The following GRID2 variants were observed in gnomAD, a reference collection of about 807,000 sequenced individuals.
GRID2 encodes the protein glutamate receptor ionotropic, delta-2.
In GRID2, 33 loss-of-function variants were observed where a neutral mutation model predicts 114.8. The observed-to-expected ratio is 0.29, with a 90% CI of 0.22 to 0.38. The LOEUF (loss-of-function observed/expected upper bound fraction) is 0.38, where lower values mean the gene tolerates loss of function less well. Ranked by LOEUF, GRID2 falls within the 10% of genes least tolerant of loss-of-function variation. GRID2 has a pLI of 1.00. For synonymous variants in GRID2, 505 were observed against 449.9 expected, an observed-to-expected ratio of 1.12 and a Z score of -1.55; for missense variants, 1,184 against 1,257.7, an observed-to-expected ratio of 0.94 and a Z score of 0.89.
intron 13 of GRID2, among the ~76,000 whole-genome samples, chr4:93,523,520 G>A (rs917771262): frequency 8.5e-5 from 13 of 152,118 alleles, no homozygotes; most frequent in African/African-American, 3.1e-4. Flanking sequence ...CAAGGGATGC[G>A]CAGATCCATA....
In GRID2 at chr4:93,661,265, G is replaced by A. The variant is rs376626504; in HGVS notation, c.2360+34830G>A. On this transcript the variant is annotated intron_variant, in intron 14 of 15. Transcript: ENST00000282020. ...GAGTGGTGAAAATTTGAGTTTGCTC[G>A]ATGCTTAAGTTTCCAGCTGAGGTCA... Among the ~76,000 whole-genome samples the A allele has an allele frequency of 5.0e-4, 76 of 152,282 alleles. 1 individual carries two copies. In the South Asian group the frequency reaches 0.011, roughly 22 times the overall value.
intron 2 of GRID2, among the ~76,000 whole-genome samples, chr4:92,856,538 A>C (rs192814067): frequency 1.3e-5 from 2 of 152,156 alleles, no homozygotes; most frequent in Non-Finnish European, 2.9e-5. Flanking sequence ...TCCAGAAGAT[A>C]GTATGAAAAT....
chr4:92,675,971 A>G (rs1189044318), intron 2 of GRID2, among the ~76,000 whole-genome samples: 2 of 152,138 alleles, frequency 1.3e-5, no homozygotes, highest in African/African-American at 4.8e-5. Flanking sequence ...CCTACGCTAT[A>G]TGTTATTTAA....
At chr4:92,559,418 C>A (rs547604885) in intron 1 of GRID2, among the ~76,000 whole-genome samples, 22 of 152,230 alleles carry the variant, frequency 1.4e-4, no homozygotes, top group Non-Finnish European at 3.2e-4. Flanking sequence ...TTGCGTTATA[C>A]TTAGGTTCAG....
chr4:92,513,660 C>T lies in GRID2; in HGVS notation c.89-76471C>T, dbSNP rs555457952. On this transcript the variant is annotated intron_variant, in intron 1 of 15. Coordinates refer to ENST00000282020, the MANE Select transcript of GRID2 (RefSeq NM_001510.4). ...ATGGTGATTTCACTAACCTCTGCTT[C>T]ACCTACAAAACTGTCAGCACCATAT... Among the ~76,000 whole-genome samples, 22 of 151,934 alleles carry T rather than the reference C, an allele frequency of 1.4e-4. No individual in the cohort carries two copies. The South Asian group carries it at 4.4e-3, about 30-fold the overall frequency.
At chr4:92,469,906 A>T (rs549746510) in intron 1 of GRID2, among the ~76,000 whole-genome samples, 1 of 152,060 alleles carries the variant, frequency 6.6e-6, no homozygotes, top group African/African-American at 2.4e-5. Context: ...ACAATAGTAA[A>T]GCTGCAAATT....
At chr4:93,794,542 GTTTA>G (rs1734757885) in intron 1 of GRID2, among the ~76,000 whole-genome samples, 2 of 152,128 alleles carry the variant, frequency 1.3e-5, no homozygotes, top group South Asian at 4.2e-4. Flanking sequence ...TCTGTTTGGA[GTTTA>G]TTTATGCCCG....
At chr4:92,481,981 G>GATT (rs1722618054) in intron 1 of GRID2, among the ~76,000 whole-genome samples, 1 of 47,242 alleles carries the variant, frequency 2.1e-5, no homozygotes, top group African/African-American at 7.5e-5. Context: ...AATAAAATGT[G>GATT]ATATATATAT....
chr4:92,768,785 A>G (rs117710751), intron 2 of GRID2, among the ~76,000 whole-genome samples: 3,484 of 152,192 alleles, frequency 0.023, 100 homozygotes, highest in East Asian at 0.12. Context: ...TTCATTCACT[A>G]TCACAAGAAG....
intron 2 of GRID2, among the ~76,000 whole-genome samples, chr4:92,800,689 G>C (rs1185411611): frequency 6.6e-6 from 1 of 151,852 alleles, no homozygotes; most frequent in Non-Finnish European, 1.5e-5. Context: ...CTTCAGTATG[G>C]TACAGGGGAG....
intron 8 of GRID2, among the ~76,000 whole-genome samples, chr4:93,330,659 T>C (rs1322876481): frequency 1.3e-5 from 2 of 152,130 alleles, no homozygotes; most frequent in Non-Finnish European, 2.9e-5. Flanking sequence ...GGATCACTAC[T>C]GTGAATGGGA....
chr4:92,389,430 C>A (rs533054089), intron 1 of GRID2, among the ~76,000 whole-genome samples: 1 of 152,126 alleles, frequency 6.6e-6, no homozygotes, highest in South Asian at 2.1e-4. Context: ...CATGTGACCA[C>A]CTTTTCTGAA....
chr4:92,784,023 A>G (rs1461897699), intron 2 of GRID2, among the ~76,000 whole-genome samples: 3 of 152,146 alleles, frequency 2.0e-5, no homozygotes, highest in South Asian at 2.1e-4. Flanking sequence ...TGTTCTTAAT[A>G]TTAACAAACT....
At chr4:93,409,595 A>T (rs927068661) in intron 9 of GRID2, among the ~76,000 whole-genome samples, 1 of 152,210 alleles carries the variant, frequency 6.6e-6, no homozygotes, top group Admixed American at 6.5e-5. Context: ...AGAAAGCAAC[A>T]GGCACACACA....
At chr4:93,316,170 T>G (rs934869159) in intron 8 of GRID2, among the ~76,000 whole-genome samples, 1 of 149,478 alleles carries the variant, frequency 6.7e-6, no homozygotes, top group East Asian at 2.0e-4. Flanking sequence ...AAAGGGGAGG[T>G]GGAACAGAAA....
At chr4:92,611,094 G>GTGTGTGTGTATA (rs889350601) in intron 2 of GRID2, among the ~76,000 whole-genome samples, 3 of 146,772 alleles carry the variant, frequency 2.0e-5, no homozygotes, top group African/African-American at 5.0e-5. Context: ...GTATATATAT[G>GTGTGTGTGTATA]TGTGTGTGTA....
intron 1 of GRID2, among the ~76,000 whole-genome samples, chr4:92,473,077 A>G (rs148567249): frequency 1.0e-3 from 154 of 152,160 alleles, no homozygotes; most frequent in African/African-American, 3.6e-3. Context: ...TTATTTTTGC[A>G]TATCTTATGA....
chr4:92,464,691 T>C (rs746164761), intron 1 of GRID2, among the ~76,000 whole-genome samples: 2 of 152,028 alleles, frequency 1.3e-5, no homozygotes, highest in Non-Finnish European at 2.9e-5. Context: ...CAGCTTACAG[T>C]CTATTAGTGG....
chr4:92,667,264 T>G (rs1732835995), intron 2 of GRID2, among the ~76,000 whole-genome samples: 1 of 151,710 alleles, frequency 6.6e-6, no homozygotes, highest in Non-Finnish European at 1.5e-5. Flanking sequence ...CTCCACTGTC[T>G]TCCCAGAATT....
Sources: gnomAD v4.1 joint callset for allele counts (sites outside exome capture counted in the v4.1 genomes callset) on GRCh38, gnomAD v4.1.1 for gene constraint, MANE v1.5 for transcripts, NCBI Gene and HGNC (gene_info 2026-07-23, HGNC 2026-07-21) for gene names.